Variants in ABCA13 observed in about 807,000 individuals in gnomAD.
The protein encoded by ABCA13 is ATP binding cassette subfamily A member 13.
ABCA13 carries 476 observed loss-of-function variants against 478.7 expected under a neutral mutation model. That is an observed-to-expected ratio of 0.99 (90% CI 0.92 to 1.07). The LOEUF is 1.07. Among genes scored for constraint, ABCA13 ranks in the 50% least tolerant of loss-of-function variants. The probability of loss-of-function intolerance (pLI) is 0.00; values close to 1 mark genes in which losing one functional copy is unlikely to be tolerated. For synonymous variants in ABCA13, 2,252 were observed against 2,158.9 expected (o/e 1.04, Z -1.20); for missense variants, 6,060 against 5,910.6 (o/e 1.03, Z -0.83).
chr7:48,529,687 A>C (rs1262375885), intron 55 of ABCA13, among the ~76,000 whole-genome samples: 1 of 152,194 alleles, frequency 6.6e-6, no homozygotes, highest in Non-Finnish European at 1.5e-5. Flanking sequence ...TTGTGTCTAC[A>C]ATTTCCCACT....
chr7:48,342,725 A>G (rs1347156647), intron 29 of ABCA13, among the ~76,000 whole-genome samples: 2 of 152,160 alleles, frequency 1.3e-5, no homozygotes, highest in African/African-American at 2.4e-5. Context: ...AACTTTTCAC[A>G]GTGTTCAATG....
intron 58 of ABCA13, among the ~76,000 whole-genome samples, chr7:48,603,207 T>C (rs150366307): frequency 0.043 from 6,481 of 152,258 alleles, 441 homozygotes; most frequent in African/African-American, 0.15. Context: ...TTTTCCTAAC[T>C]GAATATGCTT....
At chr7:48,414,110 A>G (rs1819630703) in intron 41 of ABCA13, among the ~76,000 whole-genome samples, 1 of 152,220 alleles carries the variant, frequency 6.6e-6, no homozygotes, top group African/African-American at 2.4e-5. Flanking sequence ...ATAAACACAC[A>G]TGATGAATAG....
At chr7:48,198,485 A>C (rs1191183965) in intron 3 of ABCA13, 125 bp downstream of exon 3, 2 of 1,122,640 alleles carry the variant, frequency 1.8e-6, no homozygotes, top group Non-Finnish European at 2.4e-6. Flanking sequence ...ATAGAAATTA[A>C]AGTTTTATTA....
chr7:48,469,815 G>A (rs1459360270), intron 44 of ABCA13, among the ~76,000 whole-genome samples: 3 of 152,012 alleles, frequency 2.0e-5, no homozygotes, highest in African/African-American at 7.2e-5. Flanking sequence ...AGCTACTCGG[G>A]AGGCTGAGGC....
intron 49 of ABCA13, 122 bp downstream of exon 49, chr7:48,506,512 C>T: frequency 9.4e-7 from 1 of 1,063,126 alleles, no homozygotes; most frequent in Non-Finnish European, 1.4e-6. Flanking sequence ...ATAGAGTTAG[C>T]AGGAAATGCC....
At chr7:48,326,779 G>A (rs1331231515) in intron 27 of ABCA13, among the ~76,000 whole-genome samples, 1 of 152,144 alleles carries the variant, frequency 6.6e-6, no homozygotes, top group Non-Finnish European at 1.5e-5. Flanking sequence ...TGCCTCAGAG[G>A]AACTGCTTGT....
chr7:48,562,563 C>G (rs1215449774), intron 55 of ABCA13, among the ~76,000 whole-genome samples: 20 of 151,880 alleles, frequency 1.3e-4, no homozygotes, highest in Admixed American at 1.3e-3. Context: ...AACTCTTGAC[C>G]AGGGCCAGTG....
intron 8 of ABCA13, among the ~76,000 whole-genome samples, chr7:48,238,810 A>C (rs1790368798): frequency 6.6e-6 from 1 of 152,238 alleles, no homozygotes; most frequent in African/African-American, 2.4e-5. Flanking sequence ...GATTTGGTTC[A>C]AAAACATTAA....
At position 48,320,209 on chromosome 7, in the gene ABCA13, G is replaced by T. The variant is rs779050174; in HGVS notation, c.9999+2913G>T. Among the ~76,000 whole-genome samples the T allele has an allele frequency of 4.5e-4, 69 of 152,226 alleles. 1 individual carries two copies. Among genetic ancestry groups the T allele is most frequent in the Non-Finnish European group, 8.8e-4 (60 of 68,036 alleles). Reference sequence around the variant, plus strand: ...CTCCACTGACTATGTTGGGATGTGGGATGTGGGGTAATAGAAGAAGCTTGT... The same window carrying T: ...CTCCACTGACTATGTTGGGATGTGGTATGTGGGGTAATAGAAGAAGCTTGT... On this transcript the variant is annotated intron_variant, in intron 27 of 61. Transcript: ENST00000435803.
chr7:48,535,685 G>T (rs1833520479), intron 55 of ABCA13, among the ~76,000 whole-genome samples: 1 of 152,110 alleles, frequency 6.6e-6, no homozygotes, highest in Non-Finnish European at 1.5e-5. Flanking sequence ...GGCTTGCTGT[G>T]GTGGCAGTGG....
In ABCA13 at chr7:48,587,242, T is replaced by G. The variant is rs1240210969; in HGVS notation, c.14594T>G (p.Leu4865Arg). ...TACAGTGGGGGAACCAAGCGGAAAC[T>G]CTCTACAGCCCTGGCCCTGGTGGGG... ...ATYSGGTKRK[L>R]STALALVGKP... The change falls in exon 57 of 62, where the codon CTC becomes CGC. Residue 4865 changes from leucine to arginine, a missense_variant. This residue lies in a region of ABCA13 where 1,627 missense variants were observed against 1,571.0 expected (regional missense o/e 1.04). Coordinates refer to ENST00000435803, the MANE Select transcript of ABCA13 (RefSeq NM_152701.5). The G allele has an allele frequency of 1.2e-6, 2 of 1,612,030 alleles. No individual in the cohort carries two copies. Among genetic ancestry groups the G allele is most frequent in the South Asian group, 2.2e-5 (2 of 90,490 alleles).
intron 15 of ABCA13, among the ~76,000 whole-genome samples, chr7:48,268,588 C>T (rs1039797292): frequency 6.6e-6 from 1 of 152,206 alleles, no homozygotes; most frequent in Non-Finnish European, 1.5e-5. Context: ...GCAGCCTTCT[C>T]TGGCACTCTG....
intron 59 of ABCA13, among the ~76,000 whole-genome samples, chr7:48,637,404 A>AAAAAAAAC (rs1794751774): frequency 6.8e-6 from 1 of 147,294 alleles, no homozygotes; most frequent in Admixed American, 6.7e-5. Context: ...AAAAAAAAAA[A>AAAAAAAAC]AACAGAGAGA....
At chr7:48,171,713 G>T (rs1030815663) in intron 1 of ABCA13, among the ~76,000 whole-genome samples, 161 bp downstream of exon 1, 1 of 152,308 alleles carries the variant, frequency 6.6e-6, no homozygotes, top group Admixed American at 6.5e-5. Context: ...CCGTCCCAAG[G>T]GCCAAAGTAG....
At chr7:48,421,500 A>AG (rs1820736313) in intron 41 of ABCA13, among the ~76,000 whole-genome samples, 1 of 152,186 alleles carries the variant, frequency 6.6e-6, no homozygotes, top group Non-Finnish European at 1.5e-5. Context: ...CTCATGTCAT[A>AG]CCAAGTTGAG....
chr7:48,548,933 T>A (rs1235763862), intron 55 of ABCA13, among the ~76,000 whole-genome samples: 1 of 151,740 alleles, frequency 6.6e-6, no homozygotes, highest in Non-Finnish European at 1.5e-5. Context: ...TCAGCTTCTT[T>A]CTAAGATTGA....
intron 56 of ABCA13, among the ~76,000 whole-genome samples, chr7:48,583,789 C>T (rs940241122): frequency 6.6e-6 from 1 of 152,192 alleles, no homozygotes; most frequent in African/African-American, 2.4e-5. Context: ...TTTGCCATTA[C>T]TTTGACAGTA....
chr7:48,225,545 T>A (rs900870386), intron 5 of ABCA13, among the ~76,000 whole-genome samples: 4 of 152,154 alleles, frequency 2.6e-5, no homozygotes, highest in Admixed American at 2.6e-4. Flanking sequence ...CAAAAGAAAA[T>A]CTTGGATCAT....
Sources: gnomAD v4.1 joint callset for allele counts (sites outside exome capture counted in the v4.1 genomes callset) on GRCh38, gnomAD v4.1.1 for gene constraint, gnomAD v4.1.1 regional missense constraint, MANE v1.5 for transcripts, NCBI Gene and HGNC (gene_info 2026-07-23, HGNC 2026-07-21) for gene names.